UBA1: variants seen among roughly 807,000 people sequenced by gnomAD.
The protein encoded by UBA1 is ubiquitin like modifier activating enzyme 1.
A neutral mutation model predicts 84.7 loss-of-function variants in UBA1; 4 were observed. That is an observed-to-expected ratio of 0.05 (90% CI 0.02 to 0.11). The LOEUF is 0.11. Among genes scored for constraint, UBA1 ranks in the 10% least tolerant of loss-of-function variants. The pLI is 1.00. For synonymous variants in UBA1, 364 were observed against 362.6 expected (o/e 1.00, Z -0.04); for missense variants, 513 against 902.8 (o/e 0.57, Z 5.53).
chrX:47,214,662 G>C, intron 25 of UBA1, 25 bp downstream of exon 25: 3 of 1,199,710 alleles, frequency 2.5e-6, no homozygotes, highest in Non-Finnish European at 3.4e-6. Flanking sequence ...GGCCAGGCTA[G>C]GGGAGGCCCT....
chrX:47,214,741 C>T, intron 25 of UBA1, 53 bp from the exon 26 acceptor site: 1 of 1,206,159 alleles, frequency 8.3e-7, no homozygotes, highest in South Asian at 1.8e-5. Flanking sequence ...ACCTGCCCAT[C>T]CTCTCTTGCT....
intron 13 of UBA1, 34 bp from the exon 14 acceptor site, chrX:47,203,507 C>T: frequency 8.3e-7 from 1 of 1,210,365 alleles, no homozygotes; most frequent in South Asian, 1.8e-5. Context: ...ATCACCCTGA[C>T]CAGCCTCTGC....
At chrX:47,203,747 CTTTTTT>C (rs781978873) in intron 14 of UBA1, 51 bp downstream of exon 14, 31 of 843,006 alleles carry the variant, frequency 3.7e-5, no homozygotes, top group Non-Finnish European at 4.4e-5. Context: ...CCTCCTTTTT[CTTTTTT>C]TTTTTTTTTT....
chrX:47,203,161 G>A lies in UBA1; in HGVS notation c.1366G>A (p.Ala456Thr). Residue 456 changes from alanine to threonine, a missense_variant, in exon 13 of 26, where the codon GCT becomes ACT. Coordinates refer to ENST00000335972, the MANE Select transcript of UBA1 (RefSeq NM_003334.4). ...QRQNRYDGQV[A>T]VFGSDLQEKL... Reference sequence around the variant, plus strand: ...CCAGAACCGTTATGACGGGCAAGTGGCTGTGTTTGGCTCAGACCTGCAAGA... The same window carrying A: ...CCAGAACCGTTATGACGGGCAAGTGACTGTGTTTGGCTCAGACCTGCAAGA... 1 of 1,211,884 alleles carries A rather than the reference G, an allele frequency of 8.3e-7. No individual in the cohort carries two copies. The highest frequency in any genetic ancestry group is 1.7e-5 in the African/African-American group (1 of 57,816).
rs782453937 is a variant in UBA1, at chrX:47,210,957, G to T, written c.2274+41G>T. The T allele has an allele frequency of 2.5e-6, 3 of 1,206,661 alleles. No individual in the cohort carries two copies. In the African/African-American group the frequency reaches 5.3e-5, roughly 21 times the overall value. On this transcript the variant is annotated intron_variant, in intron 19 of 25. Transcript: ENST00000335972. Reference sequence around the variant, plus strand: ...AGGGTCTTCTGGGGTCAGGTGGAGGGTGAATAGGTGGGAAGGAGGTGGCGG... The same window carrying T: ...AGGGTCTTCTGGGGTCAGGTGGAGGTTGAATAGGTGGGAAGGAGGTGGCGG...
intron 14 of UBA1, chrX:47,205,226 CA>C (rs1936612049): frequency 4.5e-6 from 1 of 221,267 alleles, no homozygotes; most frequent in East Asian, 1.3e-4. Context: ...AGGTGGGATC[CA>C]GGGGAGGATT....
rs138456460 is a variant in UBA1 at position 47,202,173 on chromosome X, A to G, written c.829A>G (p.Ile277Val). The change falls in exon 9 of 26, where the codon ATC (isoleucine) becomes GTC (valine). Residue 277 changes from isoleucine to valine, a missense_variant. Coordinates refer to ENST00000335972, the MANE Select transcript of UBA1 (RefSeq NM_003334.4). ...IKVLGPYTFS[I>V]CDTSNFSDYI... ...CTCTGTAGGTCCTTATACCTTTAGC[A>G]TCTGTGACACCTCCAACTTCTCCGA... 7 of 1,208,015 alleles carry G rather than the reference A, an allele frequency of 5.8e-6. No homozygotes were observed. The highest frequency in any genetic ancestry group is 1.8e-5 in the African/African-American group (1 of 56,981).
At chrX:47,191,298 G>A (rs1285605830), upstream of UBA1, 2 of 111,975 alleles carry the variant, frequency 1.8e-5, no homozygotes, top group Non-Finnish European at 3.8e-5. Flanking sequence ...GCGGGACTGG[G>A]GGAGGGCTTG....
chrX:47,205,596 C>T (rs1474684018), intron 14 of UBA1: 17 of 357,725 alleles, frequency 4.8e-5, no homozygotes, highest in South Asian at 4.6e-4. Flanking sequence ...GGTGCGGTGG[C>T]TCACGCCTGT....
chrX:47,194,080 C>CT (rs1312822078), intron 1 of UBA1, 56 bp downstream of exon 1: 1 of 112,050 alleles, frequency 8.9e-6, no homozygotes, highest in Admixed American at 9.4e-5. Flanking sequence ...CGGGGAGGCA[C>CT]TGGAGGGCCC....
chrX:47,198,740 C>A, intron 1 of UBA1, 63 bp from the exon 2 acceptor site: 1 of 1,089,977 alleles, frequency 9.2e-7, no homozygotes, highest in Non-Finnish European at 1.3e-6. Context: ...ACAGTTGCTA[C>A]TAACAAACAG....
chrX:47,210,719 G>A (rs7064703), intron 18 of UBA1, 123 bp from the exon 19 acceptor site: 3 of 677,637 alleles, frequency 4.4e-6, no homozygotes, highest in Non-Finnish European at 4.6e-6. Context: ...GCTCCAGTCC[G>A]CATCGAGTGC....
intron 6 of UBA1, 47 bp from the exon 7 acceptor site, chrX:47,201,229 G>A (rs1556787833): frequency 1.8e-6 from 2 of 1,110,833 alleles, no homozygotes; most frequent in Non-Finnish European, 2.5e-6. Flanking sequence ...CGTGGGACCT[G>A]TATGTGCATG....
At chrX:47,193,337 C>T (rs782232295), upstream of UBA1, among the ~76,000 whole-genome samples, 1 of 111,476 alleles carries the variant, frequency 9.0e-6, no homozygotes, top group African/African-American at 3.3e-5. Flanking sequence ...TTAGATGCAG[C>T]AATAGGCGGG....
At position 47,211,093 on chromosome X, in the gene UBA1, C is replaced by T; in HGVS notation, c.2332C>T (p.Leu778=). The part of the protein sequence containing the change: ...AANLFAQTYG[L]TGSQDRAAVA... The stretch of plus-strand genomic sequence containing the variant: ...CAACCTGTTTGCCCAGACCTACGGG[C>T]TGACAGGCTCTCAGGACCGAGCTGC... Residue 778 remains leucine (L), a synonymous_variant, in exon 20 of 26, where the codon CTG becomes TTG. Coordinates refer to ENST00000335972, the MANE Select transcript of UBA1 (RefSeq NM_003334.4). The T allele has an allele frequency of 8.3e-7, 1 of 1,211,774 alleles. No individual in the cohort carries two copies. The highest frequency in any genetic ancestry group is 1.1e-6 in the Non-Finnish European group (1 of 895,560).
In UBA1 at chrX:47,203,061, A is replaced by T; in HGVS notation, c.1338+14A>T. ...AAGTGCCTCCAGGTATGTGGGTGGG[A>T]CCTGTGGGGAGGGCATCATTGGGGA... On this transcript the variant is annotated intron_variant, in intron 12 of 25. Transcript: ENST00000335972. The T allele has an allele frequency of 8.3e-7, 1 of 1,205,537 alleles. No homozygotes were observed. Among genetic ancestry groups the T allele is most frequent in the Non-Finnish European group, 1.1e-6 (1 of 889,859 alleles).
At chrX:47,209,163 T>G in intron 16 of UBA1, 1 of 286,332 alleles carries the variant, frequency 3.5e-6, no homozygotes, top group Non-Finnish European at 6.2e-6. Context: ...CTTCATTGAT[T>G]TTTCTTTTTT....
intron 1 of UBA1, chrX:47,198,317 C>T (rs1556786196): frequency 2.1e-6 from 2 of 968,992 alleles, no homozygotes; most frequent in South Asian, 2.0e-5. Flanking sequence ...AGGTTCTATG[C>T]TCTGTGTTAT....
chrX:47,196,334 G>A (rs1556785513), intron 1 of UBA1, among the ~76,000 whole-genome samples: 2 of 110,700 alleles, frequency 1.8e-5, no homozygotes, highest in Non-Finnish European at 3.8e-5. Flanking sequence ...ACATGCTCCA[G>A]CCCCCCTTCT....
Sources: gnomAD v4.1 joint callset for allele counts (sites outside exome capture counted in the v4.1 genomes callset) on GRCh38, gnomAD v4.1.1 for gene constraint, MANE v1.5 for transcripts, NCBI Gene and HGNC (gene_info 2026-07-23, HGNC 2026-07-21) for gene names.